Variants in IL1RAPL2 observed in about 807,000 individuals in gnomAD.
IL1RAPL2 encodes X-linked interleukin-1 receptor accessory protein-like 2.
In IL1RAPL2, 3 loss-of-function variants were observed where a neutral mutation model predicts 44.1. That is an observed-to-expected ratio of 0.07 (90% CI 0.03 to 0.18). The LOEUF (loss-of-function observed/expected upper bound fraction) is 0.18. Ranked by LOEUF, IL1RAPL2 falls within the 10% of genes least tolerant of loss-of-function variation. The probability of loss-of-function intolerance (pLI) is 1.00; values close to 1 mark genes in which losing one functional copy is unlikely to be tolerated. For missense variants in IL1RAPL2, 391 were observed against 496.4 expected, an observed-to-expected ratio of 0.79 and a Z score of 2.02; for synonymous variants, 181 against 178.8, an observed-to-expected ratio of 1.01 and a Z score of -0.10.
intron 5 of IL1RAPL2, among the ~76,000 whole-genome samples, chrX:105,458,850 G>C: frequency 9.0e-6 from 1 of 111,536 alleles, no homozygotes; most frequent in Non-Finnish European, 1.9e-5. Flanking sequence ...AGGTCGAATA[G>C]AGACAATTTT....
chrX:105,290,796 G>T (rs958789363), intron 5 of IL1RAPL2, among the ~76,000 whole-genome samples: 12 of 111,874 alleles, frequency 1.1e-4, no homozygotes, highest in African/African-American at 3.9e-4. Context: ...TGAGTTGAGT[G>T]TCCTGACACT....
intron 5 of IL1RAPL2, among the ~76,000 whole-genome samples, chrX:105,286,569 A>T (rs1369448770): frequency 1.8e-5 from 2 of 108,572 alleles, no homozygotes; most frequent in Non-Finnish European, 3.8e-5. Context: ...AGCAGAAAAA[A>T]CTTAAGACAG....
intron 2 of IL1RAPL2, among the ~76,000 whole-genome samples, chrX:105,075,468 A>G (rs773986377): frequency 9.0e-6 from 1 of 111,587 alleles, no homozygotes; most frequent in Non-Finnish European, 1.9e-5. Flanking sequence ...GGATTTTTGC[A>G]TCAATGTTCA....
chrX:105,007,567 G>T (rs779606862), intron 2 of IL1RAPL2, among the ~76,000 whole-genome samples: 1 of 111,572 alleles, frequency 9.0e-6, no homozygotes, highest in African/African-American at 3.2e-5. Flanking sequence ...GGTGGCAACA[G>T]AGCCTGACAA....
At chrX:104,737,950 G>A (rs1932044039) in intron 2 of IL1RAPL2, among the ~76,000 whole-genome samples, 1 of 111,893 alleles carries the variant, frequency 8.9e-6, no homozygotes, top group Non-Finnish European at 1.9e-5. Context: ...GTCACATAAA[G>A]CACTATTTGG....
chrX:104,797,719 A>T (rs931472243), intron 2 of IL1RAPL2, among the ~76,000 whole-genome samples: 1 of 112,187 alleles, frequency 8.9e-6, no homozygotes, highest in Non-Finnish European at 1.9e-5. Context: ...ACAAAGCCTC[A>T]AGTTAGAGAA....
rs762495680 is a variant in IL1RAPL2, at chrX:105,148,735, C to T, written c.83-46740C>T. On this transcript the variant is annotated intron_variant, in intron 2 of 10. Transcript: ENST00000372582. ...CTATTATCTCAATATTTGTGTCCCC[C>T]TAAAATTCATATGTTGAAGCCTAAT... 5.1e-4 allele frequency among the ~76,000 whole-genome samples: 57 copies of T among 111,621 alleles called. 1 individual carries two copies. Among genetic ancestry groups the T allele is most frequent in the Non-Finnish European group, 6.0e-4 (32 of 53,120 alleles).
rs192903931 is a variant in IL1RAPL2 at position 104,995,752 on chromosome X, A to G, written c.83-199723A>G. ...TCAGAGCTAGTCTCCTTTCATTCTA[A>G]AAGAGATCAATCCTTCATGTGATAG... On this transcript the variant is annotated intron_variant, in intron 2 of 10. Transcript: ENST00000372582. Among the ~76,000 whole-genome samples, 105 of 111,920 alleles carry G rather than the reference A, an allele frequency of 9.4e-4. 1 individual carries two copies. Among genetic ancestry groups the G allele is most frequent in the African/African-American group, 3.3e-3 (103 of 30,883 alleles).
At chrX:105,601,660 A>C (rs986784863) in intron 6 of IL1RAPL2, among the ~76,000 whole-genome samples, 8 of 111,350 alleles carry the variant, frequency 7.2e-5, no homozygotes, top group African/African-American at 2.6e-4. Flanking sequence ...ACATTGCTTC[A>C]GGGAAGGACT....
At chrX:105,249,997 T>C (rs2034256237) in intron 4 of IL1RAPL2, among the ~76,000 whole-genome samples, 1 of 111,403 alleles carries the variant, frequency 9.0e-6, no homozygotes, top group African/African-American at 3.3e-5. Context: ...CTGTGGTACA[T>C]TCATATAATA....
intron 1 of IL1RAPL2, among the ~76,000 whole-genome samples, chrX:104,570,611 T>C (rs909474485): frequency 5.3e-5 from 6 of 112,218 alleles, no homozygotes; most frequent in African/African-American, 1.9e-4. Flanking sequence ...TTTGGGCTGG[T>C]TCACTTTGAG....
At chrX:105,239,655 C>T (rs1036859788) in intron 4 of IL1RAPL2, among the ~76,000 whole-genome samples, 3 of 94,633 alleles carry the variant, frequency 3.2e-5, no homozygotes, top group East Asian at 3.0e-4. Context: ...AGGGTTCTAA[C>T]GGGTGTATAG....
intron 2 of IL1RAPL2, among the ~76,000 whole-genome samples, chrX:105,067,069 T>G (rs2032146503): frequency 8.9e-6 from 1 of 111,988 alleles, no homozygotes; most frequent in Non-Finnish European, 1.9e-5. Flanking sequence ...TGTTTTAATT[T>G]AATTGTTGTT....
intron 1 of IL1RAPL2, among the ~76,000 whole-genome samples, chrX:104,604,051 A>G (rs1928945586): frequency 8.9e-6 from 1 of 112,199 alleles, no homozygotes; most frequent in African/African-American, 3.2e-5. Flanking sequence ...AAGGGCAGCC[A>G]GAGAGAAAGG....
chrX:105,484,265 G>T, intron 5 of IL1RAPL2, 48 bp from the exon 6 acceptor site: 1 of 911,898 alleles, frequency 1.1e-6, no homozygotes, highest in South Asian at 2.0e-5. Flanking sequence ...TTCTCATCCT[G>T]TAATTTATCT....
chrX:104,946,541 A>C (rs938008225), intron 2 of IL1RAPL2, among the ~76,000 whole-genome samples: 17 of 95,408 alleles, frequency 1.8e-4, no homozygotes, highest in Admixed American at 1.0e-3. Flanking sequence ...CATTAAGTAT[A>C]TCTCCCAATG....
intron 6 of IL1RAPL2, among the ~76,000 whole-genome samples, chrX:105,583,130 A>AT (rs1203067992): frequency 7.4e-5 from 7 of 94,980 alleles, no homozygotes; most frequent in Middle Eastern, 5.9e-3. Flanking sequence ...TAAGAATTCA[A>AT]TTTTTTTTGT....
intron 2 of IL1RAPL2, among the ~76,000 whole-genome samples, chrX:104,901,465 C>T (rs1427196460): frequency 1.8e-5 from 2 of 109,848 alleles, no homozygotes; most frequent in African/African-American, 6.6e-5. Context: ...CCCGCCTCAG[C>T]CTCCCAGAGT....
chrX:104,983,526 CATAATATTAT>C (rs1265467881), intron 2 of IL1RAPL2, among the ~76,000 whole-genome samples: 1 of 94,925 alleles, frequency 1.1e-5, no homozygotes, highest in Non-Finnish European at 2.0e-5. Flanking sequence ...ATATTAGATA[CATAATATTAT>C]ATAATATTAT....
Sources: gnomAD v4.1 joint callset for allele counts (sites outside exome capture counted in the v4.1 genomes callset) on GRCh38, gnomAD v4.1.1 for gene constraint, MANE v1.5 for transcripts, NCBI Gene and HGNC (gene_info 2026-07-23, HGNC 2026-07-21) for gene names.